Variants in TRIQK observed in about 807,000 individuals in gnomAD.
The protein encoded by TRIQK is triple QxxK/R motif-containing protein.
A neutral mutation model predicts 10.8 loss-of-function variants in TRIQK; 10 were observed. That is an observed-to-expected ratio of 0.92 (90% CI 0.57 to 1.57). The LOEUF is 1.57. TRIQK is among the 40% of genes most tolerant of loss of function. The pLI is 0.00. For missense variants in TRIQK, 107 were observed against 97.7 expected (o/e 1.09, Z -0.40); for synonymous variants, 33 against 33.7 (o/e 0.98, Z 0.07).
At chr8:92,959,181 G>C (rs961656578) in intron 1 of TRIQK, among the ~76,000 whole-genome samples, 3 of 151,602 alleles carry the variant, frequency 2.0e-5, no homozygotes, top group African/African-American at 7.3e-5. Context: ...ACCATTCCAA[G>C]CTCACGGATC....
At chr8:92,979,051 C>G (rs532230514) in intron 1 of TRIQK, among the ~76,000 whole-genome samples, 1 of 152,194 alleles carries the variant, frequency 6.6e-6, no homozygotes, top group South Asian at 2.1e-4. Context: ...CAGGATTCAG[C>G]AGAAAGTGTT....
rs992430498 is a variant in TRIQK at position 92,891,996 on chromosome 8, C to T, written c.140G>A (p.Gly47Asp). The T allele has an allele frequency of 1.7e-5, 26 of 1,532,158 alleles. No homozygotes were observed. The highest frequency in any genetic ancestry group is 3.4e-4 in the Middle Eastern group (2 of 5,960). The allele number at this position is 1,532,158 out of a possible 1,614,324, so 94.9% of individuals were successfully genotyped here. A position where few individuals can be genotyped will look rare whatever the true frequency, so the allele number is the denominator to read the frequency against. Residue 47 changes from glycine to aspartate, a missense_variant, in exon 4 of 5, where the codon GGC (glycine) becomes GAC (aspartate). By Grantham distance (94) the Gly-to-Asp change is moderately conservative. Transcript: ENST00000521988. ...LKAEAKKTAI[G>D]IKEVGLVLAA... ...TATCAAATAGAGGTTTACCTTTATG[C>T]CTATTGCTGTTTTCTTTGCTTCTGC...
At position 93,009,645 on chromosome 8, in the gene TRIQK, A is replaced by T. The variant is rs553587168; in HGVS notation, c.-181+7964T>A. On this transcript the variant is annotated intron_variant, in intron 1 of 4. Coordinates refer to the TRIQK transcript ENST00000520686. ...ACAACAGATAAAAATGTTGGCAAGG[A>T]TGTGGAGAAAAAAGAACCCTTACAC... Among the ~76,000 whole-genome samples the T allele has an allele frequency of 2.6e-5, 4 of 152,076 alleles. No individual in the cohort carries two copies. In the East Asian group the frequency reaches 7.7e-4, roughly 29 times the overall value.
intron 1 of TRIQK, among the ~76,000 whole-genome samples, chr8:92,994,888 G>A (rs1196488630): frequency 1.3e-5 from 2 of 150,952 alleles, no homozygotes; most frequent in East Asian, 1.9e-4. Context: ...TTTTATTCTA[G>A]AGTACTGTTG....
intron 1 of TRIQK, among the ~76,000 whole-genome samples, chr8:93,011,140 TTAA>T (rs1813327846): frequency 6.6e-6 from 1 of 151,374 alleles, no homozygotes; most frequent in African/African-American, 2.4e-5. Context: ...TCATATGATC[TTAA>T]TAAACTGTAT....
chr8:92,888,960 T>C (rs1397089020), intron 4 of TRIQK, among the ~76,000 whole-genome samples: 1 of 151,602 alleles, frequency 6.6e-6, no homozygotes, highest in African/African-American at 2.4e-5. Flanking sequence ...CTTGAAAAAA[T>C]AATCTTTTAA....
intron 3 of TRIQK, among the ~76,000 whole-genome samples, chr8:92,908,039 G>C (rs561171832): frequency 1.3e-5 from 2 of 151,818 alleles, no homozygotes; most frequent in African/African-American, 4.8e-5. Context: ...TTTTAACTGT[G>C]ACATGACTTT....
intron 1 of TRIQK, among the ~76,000 whole-genome samples, chr8:92,984,825 C>T (rs1324090179): frequency 6.6e-6 from 1 of 152,084 alleles, no homozygotes; most frequent in Non-Finnish European, 1.5e-5. Context: ...CTTTCCTCCA[C>T]TGTCTTCATT....
intron 3 of TRIQK, 30 bp downstream of exon 3, chr8:92,916,899 G>T (rs548440386): frequency 3.6e-6 from 5 of 1,385,472 alleles, no homozygotes; most frequent in South Asian, 3.2e-5. Flanking sequence ...TCAATTAATA[G>T]GAGTGTATCA....
intron 2 of TRIQK, among the ~76,000 whole-genome samples, chr8:92,928,404 A>G (rs1810553705): frequency 6.6e-6 from 1 of 152,126 alleles, no homozygotes; most frequent in African/African-American, 2.4e-5. Flanking sequence ...CCACCTATTC[A>G]TTGGGAGCAA....
intron 1 of TRIQK, among the ~76,000 whole-genome samples, chr8:92,958,703 G>T (rs1812296883): frequency 6.6e-6 from 1 of 151,986 alleles, no homozygotes; most frequent in Non-Finnish European, 1.5e-5. Flanking sequence ...ATAAATCTGA[G>T]TCCCTTGAAC....
Position 92,884,811 on chromosome 8 carries a change from C to T in TRIQK, c.*1811G>A, listed in dbSNP as rs1165192793. 3 of 454,496 alleles carry T rather than the reference C, an allele frequency of 6.6e-6. No individual in the cohort carries two copies. Among genetic ancestry groups the T allele is most frequent in the Non-Finnish European group, 1.3e-5 (3 of 226,376 alleles). The allele number at this position is 454,496 out of a possible 1,614,324, so 28.2% of individuals were successfully genotyped here. A position where few individuals can be genotyped will look rare whatever the true frequency, so the allele number is the denominator to read the frequency against. On this transcript the variant is annotated 3_prime_UTR_variant, in exon 5 of 5. Coordinates refer to ENST00000521988, the MANE Select transcript of TRIQK (RefSeq NM_001171797.2). Reference sequence around the variant, plus strand: ...TAACACCATATGGAACGGGAAATAACTAAATGAAAATTGTTCACGTAAATG... The same window carrying T: ...TAACACCATATGGAACGGGAAATAATTAAATGAAAATTGTTCACGTAAATG...
intron 1 of TRIQK, chr8:92,963,764 A>G (rs2130721448): frequency 6.6e-6 from 1 of 152,038 alleles, no homozygotes; most frequent in East Asian, 1.9e-4. Context: ...GTGGTGGTGC[A>G]CTCCTGTAAT....
At chr8:92,918,572 G>A (rs1563632221) in intron 2 of TRIQK, among the ~76,000 whole-genome samples, 1 of 151,594 alleles carries the variant, frequency 6.6e-6, no homozygotes, top group African/African-American at 2.4e-5. Context: ...ATTGAATTGT[G>A]TTTTGCTATT....
intron 3 of TRIQK, among the ~76,000 whole-genome samples, chr8:92,899,264 C>T (rs1808793825): frequency 6.6e-6 from 1 of 151,980 alleles, no homozygotes; most frequent in African/African-American, 2.4e-5. Flanking sequence ...GGATTACAGG[C>T]ATGAGCCACT....
intron 3 of TRIQK, among the ~76,000 whole-genome samples, chr8:92,896,255 C>T (rs760051011): frequency 2.0e-5 from 3 of 152,118 alleles, no homozygotes; most frequent in African/African-American, 4.8e-5. Context: ...GCTGCAGCTC[C>T]GGGGACACAA....
At chr8:92,971,427 G>A (rs912125284) in intron 1 of TRIQK, among the ~76,000 whole-genome samples, 23 of 152,156 alleles carry the variant, frequency 1.5e-4, no homozygotes, top group African/African-American at 5.5e-4. Flanking sequence ...TTCTTAAGCT[G>A]CTAAACAACA....
At chr8:92,930,180 T>C (rs1810638915) in intron 2 of TRIQK, among the ~76,000 whole-genome samples, 1 of 151,060 alleles carries the variant, frequency 6.6e-6, no homozygotes, top group Non-Finnish European at 1.5e-5. Flanking sequence ...GAGTTTGATA[T>C]CAGCCTGGCT....
At chr8:92,992,377 TG>T (rs1813104599) in intron 1 of TRIQK, among the ~76,000 whole-genome samples, 1 of 152,118 alleles carries the variant, frequency 6.6e-6, no homozygotes, top group African/African-American at 2.4e-5. Context: ...CCGGGAGCCT[TG>T]TACTAGTAAC....
Sources: gnomAD v4.1 joint callset for allele counts (sites outside exome capture counted in the v4.1 genomes callset) on GRCh38, gnomAD v4.1.1 for gene constraint, MANE v1.5 for transcripts, NCBI Gene and HGNC (gene_info 2026-07-23, HGNC 2026-07-21) for gene names.